Variants in RASSF3 observed in about 807,000 individuals in gnomAD.
RASSF3 encodes Ras association domain family member 3.
A neutral mutation model predicts 19.9 loss-of-function variants in RASSF3; 19 were observed. The ratio of observed to expected loss-of-function variants is 0.96; its 90% CI spans 0.67 to 1.40. The LOEUF (loss-of-function observed/expected upper bound fraction) is 1.40. Among genes scored for constraint, RASSF3 ranks in the 40% most tolerant of loss-of-function variants. The pLI, the probability that RASSF3 is intolerant of heterozygous loss-of-function variation, is 0.00. For missense variants in RASSF3, 306 were observed against 289.8 expected (o/e 1.06, Z -0.41); for synonymous variants, 110 against 104.2 (o/e 1.06, Z -0.34).
At chr12:64,578,956 C>G (rs192711581) in intron 2 of RASSF3, among the ~76,000 whole-genome samples, 1 of 152,134 alleles carries the variant, frequency 6.6e-6, no homozygotes. Context: ...CCTGGCCTGA[C>G]CAACAAGGTG....
At chr12:64,611,214 C>T (rs949541969) in intron 1 of RASSF3, among the ~76,000 whole-genome samples, 3 of 152,308 alleles carry the variant, frequency 2.0e-5, no homozygotes, top group East Asian at 3.9e-4. Flanking sequence ...GACCTGACCT[C>T]CCCTCTTCCT....
chr12:64,684,580 C>G (rs1210656261), intron 1 of RASSF3, among the ~76,000 whole-genome samples: 2 of 151,806 alleles, frequency 1.3e-5, no homozygotes, highest in Non-Finnish European at 2.9e-5. Context: ...TACAAGCGTG[C>G]GCCACCATGC....
At chr12:64,631,569 ATGTATGTATG>A (rs1324959878) in intron 1 of RASSF3, among the ~76,000 whole-genome samples, 84 of 151,718 alleles carry the variant, frequency 5.5e-4, no homozygotes, top group Non-Finnish European at 1.8e-4. Flanking sequence ...GTATGTATGT[ATGTATGTATG>A]TATGTATGTT....
intron 2 of RASSF3, among the ~76,000 whole-genome samples, chr12:64,587,145 C>G (rs993142956): frequency 0.015 from 1 of 66 alleles, no homozygotes; most frequent in East Asian, 0.17. Context: ...CCTCCGCCTC[C>G]TAGGGTTCAA....
At chr12:64,624,982 T>G (rs1870936360) in intron 1 of RASSF3, among the ~76,000 whole-genome samples, 1 of 152,096 alleles carries the variant, frequency 6.6e-6, no homozygotes, top group Non-Finnish European at 1.5e-5. Flanking sequence ...TAGTTATTTT[T>G]AAAAGATCCT....
At chr12:64,574,170 G>C (rs1001487482) in intron 2 of RASSF3, among the ~76,000 whole-genome samples, 1 of 151,800 alleles carries the variant, frequency 6.6e-6, no homozygotes, top group Non-Finnish European at 1.5e-5. Flanking sequence ...AATTAGCCGG[G>C]TGTGATGGCT....
chr12:64,673,292 G>A (rs1872765492), intron 1 of RASSF3, among the ~76,000 whole-genome samples: 1 of 152,136 alleles, frequency 6.6e-6, no homozygotes, highest in Non-Finnish European at 1.5e-5. Context: ...GGTGGTGCTT[G>A]TGTCACCACT....
At chr12:64,683,725 G>A (rs1873222064) in intron 1 of RASSF3, among the ~76,000 whole-genome samples, 1 of 152,180 alleles carries the variant, frequency 6.6e-6, no homozygotes, top group Non-Finnish European at 1.5e-5. Flanking sequence ...TGTGGTAAAT[G>A]TCTTTAAATG....
chr12:64,620,159 G>T (rs753169146), intron 1 of RASSF3, among the ~76,000 whole-genome samples: 73 of 152,056 alleles, frequency 4.8e-4, no homozygotes, highest in African/African-American at 1.8e-3. Flanking sequence ...ATATAGGTTC[G>T]TCTGACTAGT....
chr12:64,567,922 G>A (rs146906650), intron 2 of RASSF3, among the ~76,000 whole-genome samples: 593 of 152,346 alleles, frequency 3.9e-3, no homozygotes, highest in African/African-American at 0.013. Flanking sequence ...AACTCGAGTT[G>A]GAGGCTGGAT....
At chr12:64,683,446 G>A (rs962239256) in intron 1 of RASSF3, among the ~76,000 whole-genome samples, 1 of 152,164 alleles carries the variant, frequency 6.6e-6, no homozygotes, top group Non-Finnish European at 1.5e-5. Context: ...GGATTTAACC[G>A]ATATTTCTCC....
chr12:64,553,135 C>T (rs796831853), intron 2 of RASSF3, among the ~76,000 whole-genome samples: 56 of 152,338 alleles, frequency 3.7e-4, no homozygotes, highest in African/African-American at 1.3e-3. Context: ...TCCTGCAGCA[C>T]TTTCCACACA....
intron 2 of RASSF3, among the ~76,000 whole-genome samples, chr12:64,558,955 C>G (rs941108692): frequency 6.6e-6 from 1 of 152,182 alleles, no homozygotes; most frequent in Non-Finnish European, 1.5e-5. Flanking sequence ...CCTAGGGACA[C>G]CGTGCTCTAC....
At chr12:64,688,641 C>T (rs759379239) in intron 3 of RASSF3, among the ~76,000 whole-genome samples, 188 bp downstream of exon 3, 4 of 151,678 alleles carry the variant, frequency 2.6e-5, no homozygotes, top group Non-Finnish European at 4.4e-5. Context: ...TTGAGTTGGA[C>T]AGTTGAGGGT....
intron 1 of RASSF3, among the ~76,000 whole-genome samples, chr12:64,652,885 C>A (rs1235883225): frequency 6.6e-6 from 1 of 152,192 alleles, no homozygotes; most frequent in Non-Finnish European, 1.5e-5. Flanking sequence ...GCAGCTTAAA[C>A]AACAGAAATG....
At position 64,519,331 on chromosome 12, in the gene RASSF3, C is replaced by T. The variant is rs111961590; in HGVS notation, c.169+12002C>T. Among the ~76,000 whole-genome samples, 330 of 152,202 alleles carry T rather than the reference C, an allele frequency of 2.2e-3. 1 individual carries two copies. The highest frequency in any genetic ancestry group is 7.5e-3 in the African/African-American group (311 of 41,532). On this transcript the variant is annotated intron_variant, in intron 1 of 5. Transcript: ENST00000637125. Reference sequence around the variant, plus strand: ...CTGAGGCACAAGAATCTCTTGAGCACGGTGAGTGGTGGTTGCAGTGAGCCA... The same window carrying T: ...CTGAGGCACAAGAATCTCTTGAGCATGGTGAGTGGTGGTTGCAGTGAGCCA...
At chr12:64,565,971 T>C (rs537981236) in intron 2 of RASSF3, among the ~76,000 whole-genome samples, 310 of 149,672 alleles carry the variant, frequency 2.1e-3, no homozygotes, top group Non-Finnish European at 4.0e-3. Flanking sequence ...GAAGCCAAGG[T>C]GGGTGGATCA....
At chr12:64,550,086 C>A (rs1186390581) in intron 2 of RASSF3, among the ~76,000 whole-genome samples, 3 of 152,108 alleles carry the variant, frequency 2.0e-5, no homozygotes, top group Non-Finnish European at 4.4e-5. Context: ...TATCTATAGT[C>A]TCAGCGCCCC....
At chr12:64,601,960 A>G (rs940143843) in intron 2 of RASSF3, among the ~76,000 whole-genome samples, 12 of 151,678 alleles carry the variant, frequency 7.9e-5, no homozygotes, top group Non-Finnish European at 1.5e-4. Flanking sequence ...TACTAAAAAT[A>G]CAAAAAATTA....
Sources: gnomAD v4.1 joint callset for allele counts (sites outside exome capture counted in the v4.1 genomes callset) on GRCh38, gnomAD v4.1.1 for gene constraint, MANE v1.5 for transcripts, NCBI Gene and HGNC (gene_info 2026-07-23, HGNC 2026-07-21) for gene names.